CPXM2: variants seen among roughly 807,000 people sequenced by gnomAD.
CPXM2 encodes inactive carboxypeptidase-like protein X2.
A neutral mutation model predicts 86.1 loss-of-function variants in CPXM2; 66 were observed. The ratio of observed to expected loss-of-function variants is 0.77; its 90% CI spans 0.63 to 0.94. The LOEUF is 0.94. Ranked by LOEUF, CPXM2 falls within the 40% of genes least tolerant of loss-of-function variation. The pLI, the probability that CPXM2 is intolerant of heterozygous loss-of-function variation, is 0.00. For missense variants in CPXM2, 948 were observed against 1,026.3 expected (o/e 0.92, Z 1.04); for synonymous variants, 388 against 400.2 (o/e 0.97, Z 0.36).
intron 4 of CPXM2, among the ~76,000 whole-genome samples, chr10:123,816,023 A>G (rs1457452007): frequency 6.6e-6 from 1 of 152,176 alleles, no homozygotes. Flanking sequence ...TATGGATTAG[A>G]AGATGGCCCA....
At chr10:123,809,073 A>C (rs979851688) in intron 4 of CPXM2, among the ~76,000 whole-genome samples, 4 of 152,048 alleles carry the variant, frequency 2.6e-5, no homozygotes, top group African/African-American at 9.7e-5. Context: ...GACGTGAATC[A>C]CCCCTTTGTC....
chr10:123,820,601 G>T (rs1338460351), intron 4 of CPXM2, among the ~76,000 whole-genome samples: 1 of 152,188 alleles, frequency 6.6e-6, no homozygotes, highest in Non-Finnish European at 1.5e-5. Flanking sequence ...TATCAGTGCT[G>T]CAGGCTAGAA....
rs143761278 is a variant in CPXM2 at position 123,768,613 on chromosome 10, A to G, written c.1212T>C (p.Asn404=). 6 of 1,614,034 alleles carry G rather than the reference A, an allele frequency of 3.7e-6. 1 individual carries two copies. The change falls in exon 9 of 14, where the codon AAT becomes AAC. Residue 404 remains asparagine, a synonymous_variant. Transcript: ENST00000241305. ...QFVCQEYLAR[N]ARIVHLVEET... ...CCTCCACCAGGTGGACGATGCGCGCATTCCGGGCCAAGTACTCCTGACACA... is the reference window on the plus strand; with the variant it reads ...CCTCCACCAGGTGGACGATGCGCGCGTTCCGGGCCAAGTACTCCTGACACA...
intron 1 of CPXM2, among the ~76,000 whole-genome samples, chr10:123,888,349 T>G (rs1156768591): frequency 6.6e-6 from 1 of 152,216 alleles, no homozygotes; most frequent in South Asian, 2.1e-4. Context: ...TATACTGTTA[T>G]GCATCTCTAA....
chr10:123,807,552 T>C (rs1847606847), intron 4 of CPXM2, among the ~76,000 whole-genome samples: 1 of 152,102 alleles, frequency 6.6e-6, no homozygotes, highest in South Asian at 2.1e-4. Context: ...TTTTTACAGG[T>C]TGATGATGAA....
chr10:123,756,835 G>A (rs188629725), intron 12 of CPXM2, among the ~76,000 whole-genome samples: 13 of 152,274 alleles, frequency 8.5e-5, no homozygotes, highest in South Asian at 2.1e-4. Context: ...GCTTGGTTTC[G>A]GACTTCCGGC....
chr10:123,857,273 C>T (rs1848746307), intron 3 of CPXM2, among the ~76,000 whole-genome samples: 1 of 151,926 alleles, frequency 6.6e-6, no homozygotes, highest in East Asian at 1.9e-4. Context: ...AAGTCTTCTG[C>T]TTAAAATGAT....
At chr10:123,831,188 T>G (rs1419842985) in intron 4 of CPXM2, among the ~76,000 whole-genome samples, 1 of 152,186 alleles carries the variant, frequency 6.6e-6, no homozygotes, top group African/African-American at 2.4e-5. Context: ...TAAATTTGGG[T>G]ACAGGGTGAA....
Position 123,862,754 on chromosome 10 carries a change from C to A in CPXM2, c.404-31G>T. ...AAGGACAAATGCTTGTTAAAAACAA[C>A]GACAGATGCTGAAAGGGATGAGTTT... On this transcript the variant is annotated intron_variant, in intron 2 of 13. Coordinates refer to ENST00000241305, the MANE Select transcript of CPXM2 (RefSeq NM_198148.3). 3.2e-6 allele frequency: 5 copies of A among 1,563,964 alleles called. No individual in the cohort carries two copies. In the East Asian group the frequency reaches 9.0e-5, roughly 28 times the overall value.
At chr10:123,835,903 G>A (rs1261747877) in intron 4 of CPXM2, among the ~76,000 whole-genome samples, 1 of 152,188 alleles carries the variant, frequency 6.6e-6, no homozygotes, top group East Asian at 1.9e-4. Context: ...AGAAAGGGTG[G>A]ACTTGCTGAA....
intron 2 of CPXM2, among the ~76,000 whole-genome samples, chr10:123,909,141 G>T (rs1945467833): frequency 6.6e-6 from 1 of 152,164 alleles, no homozygotes. Flanking sequence ...AGGCATAGCG[G>T]ATCCCACACA....
rs1846350316 is a variant in CPXM2 at position 123,761,909 on chromosome 10, G to A, written c.1740C>T (p.Gly580=). 6.2e-7 allele frequency: 1 copy of A among 1,613,676 alleles called. No individual in the cohort carries two copies. The highest frequency in any genetic ancestry group is 8.5e-7 in the Non-Finnish European group (1 of 1,179,886). The change falls in exon 11 of 14, where the codon GGC becomes GGT. Residue 580 remains glycine (G), a synonymous_variant. Transcript: ENST00000241305. ...CHTEDFQKEE[G]TVNGASWHTV... is the part of the protein sequence containing the mutation. Reference sequence around the variant, plus strand: ...TGTGCCAGGAGGCCCCATTGACAGTGCCCTCCTCCTTCTGGAAGTCCTCCG... The same window carrying A: ...TGTGCCAGGAGGCCCCATTGACAGTACCCTCCTCCTTCTGGAAGTCCTCCG...
At chr10:123,830,928 TTGC>T (rs1005974151) in intron 4 of CPXM2, among the ~76,000 whole-genome samples, 18 of 148,810 alleles carry the variant, frequency 1.2e-4, no homozygotes, top group African/African-American at 4.5e-4. Context: ...CTCTCTTTCT[TTGC>T]TGGAACTCTA....
chr10:123,794,496 C>T (rs1037883072), intron 6 of CPXM2, among the ~76,000 whole-genome samples: 1 of 152,126 alleles, frequency 6.6e-6, no homozygotes, highest in African/African-American at 2.4e-5. Context: ...GTGCTGTTTG[C>T]AACAGCAAAA....
intron 4 of CPXM2, among the ~76,000 whole-genome samples, chr10:123,827,668 C>T (rs922540318): frequency 6.6e-6 from 1 of 152,210 alleles, no homozygotes. Flanking sequence ...TACTGCAATT[C>T]CTACCAAGTT....
At chr10:123,833,034 T>G (rs61863834) in intron 4 of CPXM2, among the ~76,000 whole-genome samples, 10 of 152,088 alleles carry the variant, frequency 6.6e-5, no homozygotes, top group Admixed American at 1.3e-4. Context: ...TCAAAAGACA[T>G]GGAACCTGCC....
At chr10:123,758,610 A>T (rs1172526405) in intron 11 of CPXM2, among the ~76,000 whole-genome samples, 1 of 152,226 alleles carries the variant, frequency 6.6e-6, no homozygotes, top group Non-Finnish European at 1.5e-5. Context: ...AGCAGACATT[A>T]TCTTCTGGGG....
intron 3 of CPXM2, among the ~76,000 whole-genome samples, 179 bp downstream of exon 3, chr10:123,862,435 A>G (rs780926486): frequency 5.3e-5 from 8 of 152,344 alleles, no homozygotes; most frequent in Middle Eastern, 3.4e-3. Flanking sequence ...TGGAGAAGAC[A>G]TTGCCTCCCT....
chr10:123,852,634 C>T (rs1848627584), intron 3 of CPXM2, among the ~76,000 whole-genome samples: 1 of 152,208 alleles, frequency 6.6e-6, no homozygotes, highest in Non-Finnish European at 1.5e-5. Flanking sequence ...GAAGTCCTTC[C>T]AGGGGGCCTG....
Sources: allele counts gnomAD v4.1 joint callset (sites outside exome capture counted in the v4.1 genomes callset), GRCh38; gene constraint gnomAD v4.1.1; transcripts MANE v1.5; gene names NCBI Gene and HGNC (gene_info 2026-07-23, HGNC 2026-07-21).